The following WNT3 variants were observed in gnomAD, a reference collection of about 807,000 sequenced individuals.
WNT3 encodes proto-oncogene Wnt-3.
A neutral mutation model predicts 34.2 loss-of-function variants in WNT3; 7 were observed. That is an observed-to-expected ratio of 0.20 (90% CI 0.12 to 0.38). WNT3 has a LOEUF of 0.38. Among genes scored for constraint, WNT3 ranks in the 10% least tolerant of loss-of-function variants. WNT3 has a pLI of 1.00. For synonymous variants in WNT3, 212 were observed against 211.5 expected (o/e 1.00, Z -0.02); for missense variants, 267 against 499.8 (o/e 0.53, Z 4.44).
chr17:46,787,672 G>A (rs550268812), intron 1 of WNT3, among the ~76,000 whole-genome samples: 26 of 152,304 alleles, frequency 1.7e-4, no homozygotes, highest in Non-Finnish European at 2.9e-4. Flanking sequence ...ATGTAGCCTC[G>A]GCCGGGCGCG....
rs749719578 is a variant in WNT3, at chr17:46,779,103, A to ACACACCCCC, written c.81-5195_81-5194insGGGGGTGTG. On this transcript the variant is annotated intron_variant, in intron 1 of 4. Coordinates refer to ENST00000225512, the MANE Select transcript of WNT3 (RefSeq NM_030753.5). ...CACACACACACACACACACACACAC[A>ACACACCCCC]CCCCAGCCCACTCGGCCTTCCAAAG... 3.3e-4 allele frequency among the ~76,000 whole-genome samples: 44 copies of ACACACCCCC among 133,660 alleles called. 1 individual carries two copies. The highest frequency in any genetic ancestry group is 1.9e-3 in the Admixed American group (24 of 12,832). 87.7% of individuals were successfully genotyped at this position (133,660 alleles called of 152,430 possible). A position where few individuals can be genotyped will look rare whatever the true frequency, so the allele number is the denominator to read the frequency against.
At chr17:46,771,536 C>T (rs1209648237) in intron 2 of WNT3, among the ~76,000 whole-genome samples, 1 of 148,828 alleles carries the variant, frequency 6.7e-6, no homozygotes, top group Non-Finnish European at 1.5e-5. Flanking sequence ...GGGAGCGGCG[C>T]TGACAGCCCC....
At chr17:46,816,030 C>T (rs1254188681) in intron 1 of WNT3, among the ~76,000 whole-genome samples, 3 of 152,134 alleles carry the variant, frequency 2.0e-5, no homozygotes, top group Admixed American at 1.3e-4. Context: ...ACAATCAGGT[C>T]ATGGCCATGA....
At chr17:46,784,503 C>A (rs757190) in intron 1 of WNT3, among the ~76,000 whole-genome samples, 8,950 of 151,780 alleles carry the variant, frequency 0.059, 1,134 homozygotes, top group East Asian at 0.51. Flanking sequence ...AGCATTGATG[C>A]CATATGCCAA....
At chr17:46,791,499 G>GC (rs926121003) in intron 1 of WNT3, among the ~76,000 whole-genome samples, 22 of 152,070 alleles carry the variant, frequency 1.4e-4, no homozygotes, top group Admixed American at 2.0e-4. Context: ...GAGCCACCAC[G>GC]CCCGGCCTCC....
At chr17:46,778,774 C>T (rs1160827020) in intron 1 of WNT3, among the ~76,000 whole-genome samples, 6 of 152,000 alleles carry the variant, frequency 3.9e-5, no homozygotes, top group South Asian at 2.1e-4. Context: ...GCTGAGCCCT[C>T]GGCTCGAAGC....
chr17:46,788,785 C>CA (rs1040010779), intron 1 of WNT3, among the ~76,000 whole-genome samples: 21 of 152,134 alleles, frequency 1.4e-4, no homozygotes, highest in Admixed American at 9.8e-4. Context: ...TCCCTGCCCT[C>CA]AGCAGCCCCA....
intron 1 of WNT3, among the ~76,000 whole-genome samples, chr17:46,797,258 T>C (rs2084066233): frequency 1.3e-5 from 2 of 152,204 alleles, no homozygotes; most frequent in Admixed American, 6.5e-5. Flanking sequence ...CACTATGCGA[T>C]GTCCTACTCT....
intron 1 of WNT3, among the ~76,000 whole-genome samples, chr17:46,775,765 C>G (rs1186940330): frequency 1.3e-5 from 2 of 151,954 alleles, no homozygotes; most frequent in East Asian, 3.9e-4. Flanking sequence ...AGGTGCCCAC[C>G]ACCACGCCCG....
At position 46,818,459 on chromosome 17, in the gene WNT3, C is replaced by A. The variant is rs867600557; in HGVS notation, c.80+59G>T. On this transcript the variant is annotated intron_variant, in intron 1 of 4. Coordinates refer to ENST00000225512, the MANE Select transcript of WNT3 (RefSeq NM_030753.5). Reference sequence around the variant, plus strand: ...GCGGCCCACCCCCAGCCGGCGCCCCCACCTTCCCCGGACGCGGCGGAGAAA... The same window carrying A: ...GCGGCCCACCCCCAGCCGGCGCCCCAACCTTCCCCGGACGCGGCGGAGAAA... 3.9e-6 allele frequency: 6 copies of A among 1,545,028 alleles called. No individual in the cohort carries two copies. In the African/African-American group the frequency reaches 8.2e-5, roughly 21 times the overall value.
At chr17:46,793,782 A>G (rs2084017794) in intron 1 of WNT3, among the ~76,000 whole-genome samples, 1 of 152,178 alleles carries the variant, frequency 6.6e-6, no homozygotes. Flanking sequence ...TTCCTCACAC[A>G]GCTTCTCCAT....
intron 1 of WNT3, among the ~76,000 whole-genome samples, chr17:46,790,931 A>T (rs1245556927): frequency 6.6e-6 from 1 of 152,200 alleles, no homozygotes; most frequent in Non-Finnish European, 1.5e-5. Flanking sequence ...CTGCAGCCTC[A>T]TGCGTCATCT....
intron 1 of WNT3, among the ~76,000 whole-genome samples, chr17:46,779,055 A>ACACACACACGCGCG (rs1568079749): frequency 2.6e-5 from 2 of 76,660 alleles, no homozygotes; most frequent in African/African-American, 7.8e-5. Context: ...CTACCCCATC[A>ACACACACACGCGCG]CACACACACA....
intron 1 of WNT3, 114 bp downstream of exon 1, chr17:46,818,404 G>C: frequency 9.5e-7 from 1 of 1,048,464 alleles, no homozygotes; most frequent in Non-Finnish European, 1.4e-6. Context: ...GGGGCTGGAG[G>C]GAGGCGAGGA....
chr17:46,766,545 C>G (rs572922942), intron 4 of WNT3, among the ~76,000 whole-genome samples: 2 of 152,210 alleles, frequency 1.3e-5, no homozygotes, highest in Admixed American at 6.5e-5. Flanking sequence ...ACTCCCCACA[C>G]TGCTTTTGTT....
At chr17:46,774,054 C>A in intron 1 of WNT3, 145 bp from the exon 2 acceptor site, 4 of 1,213,942 alleles carry the variant, frequency 3.3e-6, no homozygotes, top group Non-Finnish European at 4.6e-6. Context: ...CCTTTGACCT[C>A]GGGAGCATGC....
intron 2 of WNT3, among the ~76,000 whole-genome samples, chr17:46,771,826 C>T (rs1354685518): frequency 2.8e-5 from 4 of 143,186 alleles, no homozygotes; most frequent in Non-Finnish European, 4.6e-5. Context: ...GGCGGCCGCG[C>T]GGTGGGGGGG....
chr17:46,795,002 C>A (rs568542987), intron 1 of WNT3, among the ~76,000 whole-genome samples: 1 of 152,022 alleles, frequency 6.6e-6, no homozygotes, highest in African/African-American at 2.4e-5. Flanking sequence ...CTGCCCGCCT[C>A]GGCCTCCCAA....
chr17:46,812,890 A>T (rs887025919), intron 1 of WNT3, among the ~76,000 whole-genome samples: 1 of 152,188 alleles, frequency 6.6e-6, no homozygotes, highest in Non-Finnish European at 1.5e-5. Context: ...TATTCACTCA[A>T]TCATTTTCAA....
Sources: gnomAD v4.1 joint callset for allele counts (sites outside exome capture counted in the v4.1 genomes callset) on GRCh38, gnomAD v4.1.1 for gene constraint, MANE v1.5 for transcripts, NCBI Gene and HGNC (gene_info 2026-07-23, HGNC 2026-07-21) for gene names.